The following MAL2 variants were observed in gnomAD, a reference collection of about 807,000 sequenced individuals.
MAL2 encodes the protein protein MAL2.
MAL2 carries 17 observed loss-of-function variants against 18.1 expected under a neutral mutation model. The ratio of observed to expected loss-of-function variants is 0.94; its 90% CI spans 0.64 to 1.41. The LOEUF (loss-of-function observed/expected upper bound fraction) is 1.41, where lower values mean the gene tolerates loss of function less well. Among genes scored for constraint, MAL2 ranks in the 40% most tolerant of loss-of-function variants. The pLI is 0.00. For synonymous variants in MAL2, 102 were observed against 102.3 expected, an observed-to-expected ratio of 1.00 and a Z score of 0.02; for missense variants, 222 against 231.9, an observed-to-expected ratio of 0.96 and a Z score of 0.28.
At chr8:119,230,080 T>C (rs1017494348) in intron 2 of MAL2, among the ~76,000 whole-genome samples, 1 of 152,234 alleles carries the variant, frequency 6.6e-6, no homozygotes, top group African/African-American at 2.4e-5. Flanking sequence ...GCCTGGCCAC[T>C]GGTGTCAAGT....
chr8:119,217,885 G>A (rs1379093340), intron 1 of MAL2, among the ~76,000 whole-genome samples: 1 of 152,152 alleles, frequency 6.6e-6, no homozygotes, highest in African/African-American at 2.4e-5. Context: ...ATTAGAGGAA[G>A]TGAATATACT....
rs568876565 is a variant in MAL2 at position 119,237,817 on chromosome 8, C to T, written c.304-2348C>T. Among the ~76,000 whole-genome samples, 11 of 152,122 alleles carry T rather than the reference C, an allele frequency of 7.2e-5. No homozygotes were observed. The South Asian group carries it at 2.3e-3, about 31-fold the overall frequency. The stretch of plus-strand genomic sequence containing the variant: ...AATAGTAAGAGCTATCTATGACAAA[C>T]CCACAGCCAATATCATACTGAATGG... On this transcript the variant is annotated intron_variant, in intron 2 of 3. Coordinates refer to ENST00000614891, the MANE Select transcript of MAL2 (RefSeq NM_052886.3).
intron 2 of MAL2, among the ~76,000 whole-genome samples, chr8:119,238,834 C>T (rs1344001774): frequency 3.3e-5 from 5 of 151,290 alleles, no homozygotes; most frequent in Admixed American, 6.6e-5. Context: ...TAGAAGAAAA[C>T]CTAGGCATTA....
chr8:119,226,277 A>C (rs1482991511), intron 2 of MAL2, among the ~76,000 whole-genome samples: 1 of 152,092 alleles, frequency 6.6e-6, no homozygotes, highest in African/African-American at 2.4e-5. Context: ...TTTAGGTCTA[A>C]CATTTAAGTC....
chr8:119,224,837 C>T (rs116717695), intron 2 of MAL2, among the ~76,000 whole-genome samples: 1,675 of 152,264 alleles, frequency 0.011, 25 homozygotes, highest in African/African-American at 0.036. Flanking sequence ...TTTAGAATAA[C>T]GGCCTCCAGC....
intron 2 of MAL2, among the ~76,000 whole-genome samples, chr8:119,235,376 A>G (rs1440136013): frequency 6.6e-6 from 1 of 152,196 alleles, no homozygotes; most frequent in African/African-American, 2.4e-5. Context: ...AAAACACTAC[A>G]GGATATTATC....
chr8:119,244,692 T>C lies in MAL2; in HGVS notation c.*1204T>C, dbSNP rs1818115865. On this transcript the variant is annotated 3_prime_UTR_variant, in exon 4 of 4. Coordinates refer to ENST00000614891, the MANE Select transcript of MAL2 (RefSeq NM_052886.3). ...AGTTGTAGATTCTTATGTGTTTTTGTATTAGCCCAGACATCTGTAATGTTT... is the reference window on the plus strand; with the variant it reads ...AGTTGTAGATTCTTATGTGTTTTTGCATTAGCCCAGACATCTGTAATGTTT... 1 of 152,216 alleles carries C rather than the reference T, an allele frequency of 6.6e-6. No individual in the cohort carries two copies. The highest frequency in any genetic ancestry group is 1.5e-5 in the Non-Finnish European group (1 of 68,038). 9.4% of individuals were successfully genotyped at this position (152,216 alleles called of 1,614,324 possible).
chr8:119,220,686 T>C (rs1487654541), intron 1 of MAL2, among the ~76,000 whole-genome samples: 1 of 152,152 alleles, frequency 6.6e-6, no homozygotes, highest in Non-Finnish European at 1.5e-5. Context: ...GCGGGGCTAC[T>C]CTCAGCTCCT....
chr8:119,214,356 C>T (rs557074398), intron 1 of MAL2, among the ~76,000 whole-genome samples: 1 of 152,250 alleles, frequency 6.6e-6, no homozygotes, highest in Non-Finnish European at 1.5e-5. Flanking sequence ...ACTTGAATTT[C>T]CTAAGTGTTC....
chr8:119,238,632 A>G (rs1343587790), intron 2 of MAL2, among the ~76,000 whole-genome samples: 1 of 149,656 alleles, frequency 6.7e-6, no homozygotes, highest in African/African-American at 2.5e-5. Flanking sequence ...CATATCTACA[A>G]CTATCTGATC....
intron 2 of MAL2, among the ~76,000 whole-genome samples, chr8:119,235,050 G>A (rs1342520818): frequency 6.6e-6 from 1 of 151,190 alleles, no homozygotes; most frequent in East Asian, 1.9e-4. Context: ...CAAAGAAGTT[G>A]AAAACTTTGA....
At chr8:119,213,106 A>G (rs77850956) in intron 1 of MAL2, among the ~76,000 whole-genome samples, 11,944 of 152,082 alleles carry the variant, frequency 0.079, 1,372 homozygotes, top group African/African-American at 0.25. Flanking sequence ...GGAGAGAGAG[A>G]GGTTTGAGGT....
chr8:119,234,976 TGA>T (rs1431215584), intron 2 of MAL2, among the ~76,000 whole-genome samples: 1 of 152,018 alleles, frequency 6.6e-6, no homozygotes, highest in Non-Finnish European at 1.5e-5. Flanking sequence ...TTTGACGAGC[TGA>T]GAGAAGAAGG....
intron 3 of MAL2, among the ~76,000 whole-genome samples, chr8:119,242,784 T>C (rs1461478319): frequency 6.6e-6 from 1 of 152,226 alleles, no homozygotes; most frequent in Non-Finnish European, 1.5e-5. Flanking sequence ...TAGTCTTCTA[T>C]GGATCATAAG....
At chr8:119,220,437 C>T (rs749201666) in intron 1 of MAL2, among the ~76,000 whole-genome samples, 1 of 152,204 alleles carries the variant, frequency 6.6e-6, no homozygotes, top group Non-Finnish European at 1.5e-5. Flanking sequence ...GCTGCCTCAC[C>T]ATCCACCCTT....
chr8:119,225,940 A>G (rs1004989229), intron 2 of MAL2, among the ~76,000 whole-genome samples: 5 of 152,224 alleles, frequency 3.3e-5, no homozygotes, highest in African/African-American at 9.6e-5. Context: ...GTCTGTTCAT[A>G]TCCTTCACCC....
At chr8:119,216,559 A>G (rs1817358904) in intron 1 of MAL2, among the ~76,000 whole-genome samples, 1 of 152,212 alleles carries the variant, frequency 6.6e-6, no homozygotes. Context: ...TGCTATCACC[A>G]TTAGCTTCAA....
chr8:119,208,420 C>CGGAGGCG lies in MAL2; in HGVS notation c.-44_-38dup, dbSNP rs906307759. 34 of 1,033,034 alleles carry CGGAGGCG rather than the reference C, an allele frequency of 3.3e-5. No individual in the cohort carries two copies. The highest frequency in any genetic ancestry group is 1.6e-4 in the Admixed American group (3 of 19,004). 64.0% of individuals were successfully genotyped at this position (1,033,034 alleles called of 1,614,324 possible). On this transcript the variant is annotated 5_prime_UTR_variant, in exon 1 of 4. Coordinates refer to ENST00000614891, the MANE Select transcript of MAL2 (RefSeq NM_052886.3). The surrounding 1 kb of genome is among the most constrained non-coding windows in gnomAD (Gnocchi z 4.3). ...GCGGCGGCGGCAGGAGCCCGGGAGG[C>CGGAGGCG]GGAGGCGGGAGGCGGCGGCGGCGCG...
intron 1 of MAL2, among the ~76,000 whole-genome samples, chr8:119,213,381 A>AAAAT (rs61636769): frequency 0.96 from 146,152 of 152,158 alleles, 70,246 homozygotes; most frequent in East Asian, 1. Context: ...TATTGCCTGG[A>AAAAT]AAATGTTGAC....
Sources: allele counts gnomAD v4.1 joint callset (sites outside exome capture counted in the v4.1 genomes callset), GRCh38; gene constraint gnomAD v4.1.1; non-coding constraint Gnocchi (gnomAD v3.1); transcripts MANE v1.5; gene names NCBI Gene and HGNC (gene_info 2026-07-23, HGNC 2026-07-21).